Variants in SLC27A2 observed in about 807,000 individuals in gnomAD.
SLC27A2 encodes the protein long-chain fatty acid transport protein 2.
Under a neutral mutation model 60.0 loss-of-function variants are expected in SLC27A2, and 54 were observed. That is an observed-to-expected ratio of 0.90 (90% CI 0.72 to 1.13). The LOEUF (loss-of-function observed/expected upper bound fraction) is 1.13, where lower values mean the gene tolerates loss of function less well. Ranked by LOEUF, SLC27A2 falls within the 50% of genes most tolerant of loss-of-function variation. The pLI is 0.00. For missense variants in SLC27A2, 739 were observed against 777.6 expected (o/e 0.95, Z 0.59); for synonymous variants, 297 against 297.6 (o/e 1.00, Z 0.02).
At chr15:50,193,883 G>T (rs1237352672) in intron 1 of SLC27A2, among the ~76,000 whole-genome samples, 1 of 152,128 alleles carries the variant, frequency 6.6e-6, no homozygotes, top group Non-Finnish European at 1.5e-5. Flanking sequence ...CATCCACCAG[G>T]CATGGTGGCT....
chr15:50,231,990 C>G (rs141360542), intron 8 of SLC27A2, among the ~76,000 whole-genome samples: 1 of 152,222 alleles, frequency 6.6e-6, no homozygotes. Context: ...AGAACTCTTG[C>G]AGCAGTGAAA....
intron 1 of SLC27A2, 48 bp downstream of exon 1, chr15:50,182,953 C>A: frequency 6.5e-7 from 1 of 1,538,252 alleles, no homozygotes. Flanking sequence ...TTCTCGGCGC[C>A]TTGACTGACG....
intron 9 of SLC27A2, 97 bp from the exon 10 acceptor site, chr15:50,235,823 G>C (rs2045347807): frequency 1.2e-6 from 1 of 833,356 alleles, no homozygotes; most frequent in African/African-American, 1.7e-5. Context: ...GGATGCTAAT[G>C]ATTTGCTAGA....
rs1299340360 is a variant in SLC27A2 at position 50,203,829 on chromosome 15, G to C, written c.847+1184G>C. Among the ~76,000 whole-genome samples the C allele has an allele frequency of 2.0e-5, 3 of 152,094 alleles. No individual in the cohort carries two copies. In the East Asian group the frequency reaches 5.8e-4, roughly 29 times the overall value. On this transcript the variant is annotated intron_variant, in intron 3 of 9. Coordinates refer to ENST00000267842, the MANE Select transcript of SLC27A2 (RefSeq NM_003645.4). ...CCCTTATCAGAACAGGAGACAGCCA[G>C]CTTCTTTCCTGACTCTGTTCTGTTC...
chr15:50,195,302 TAAAAATATGAA>T (rs1336441494), intron 1 of SLC27A2, among the ~76,000 whole-genome samples: 1 of 113,406 alleles, frequency 8.8e-6, no homozygotes, highest in Non-Finnish European at 1.8e-5. Flanking sequence ...CCGTCTCTAC[TAAAAATATGAA>T]AAAAAAAAAA....
chr15:50,216,823 G>T (rs1482495956), intron 4 of SLC27A2, among the ~76,000 whole-genome samples: 4 of 124,130 alleles, frequency 3.2e-5, no homozygotes, highest in African/African-American at 1.2e-4. Flanking sequence ...ATATTTTATG[G>T]ATATATAAAA....
At chr15:50,202,668 T>C in intron 3 of SLC27A2, 23 bp downstream of exon 3, 1 of 1,608,244 alleles carries the variant, frequency 6.2e-7, no homozygotes, top group Non-Finnish European at 8.5e-7. Flanking sequence ...TACAAAATGT[T>C]GGAGGCGAGT....
intron 4 of SLC27A2, among the ~76,000 whole-genome samples, chr15:50,217,865 C>T (rs894883783): frequency 4.6e-5 from 7 of 151,796 alleles, no homozygotes; most frequent in Non-Finnish European, 8.8e-5. Flanking sequence ...ACCAGCCTGG[C>T]CAACATGGTG....
At chr15:50,199,021 A>C (rs2045044811) in intron 2 of SLC27A2, among the ~76,000 whole-genome samples, 1 of 119,952 alleles carries the variant, frequency 8.3e-6, no homozygotes, top group South Asian at 3.1e-4. Flanking sequence ...CCCAAAACAT[A>C]ATGTCTATCT....
At chr15:50,217,716 C>T (rs765401443) in intron 4 of SLC27A2, among the ~76,000 whole-genome samples, 3 of 152,008 alleles carry the variant, frequency 2.0e-5, no homozygotes, top group Non-Finnish European at 2.9e-5. Context: ...ACCTGAGGAA[C>T]GCCTCCTACA....
chr15:50,228,899 G>T, intron 7 of SLC27A2, 46 bp from the exon 8 acceptor site: 1 of 1,336,616 alleles, frequency 7.5e-7, no homozygotes, highest in Non-Finnish European at 1.1e-6. Flanking sequence ...TGCAACCTGG[G>T]CCAGAAACCA....
Position 50,236,217 on chromosome 15 carries a change from C to T in SLC27A2, c.*121C>T, listed in dbSNP as rs1802536. The T allele has an allele frequency of 1.2e-3, 903 of 744,362 alleles. 3 individuals are homozygous for T. Among genetic ancestry groups the T allele is most frequent in the Non-Finnish European group, 1.4e-3 (672 of 485,478 alleles). 46.1% of individuals were successfully genotyped at this position (744,362 alleles called of 1,614,324 possible). On this transcript the variant is annotated 3_prime_UTR_variant, in exon 10 of 10. Coordinates refer to ENST00000267842, the MANE Select transcript of SLC27A2 (RefSeq NM_003645.4). ...AAATTTTGTAGGAAATTTGCATACC[C>T]GTAAAGGGAGACTTTTTTAAATAAC...
At chr15:50,234,070 C>T (rs2045333317) in intron 9 of SLC27A2, 72 bp downstream of exon 9, 1 of 1,414,222 alleles carries the variant, frequency 7.1e-7, no homozygotes. Flanking sequence ...AACAACTCGC[C>T]TTCTCCCAGG....
intron 4 of SLC27A2, among the ~76,000 whole-genome samples, chr15:50,207,942 A>G (rs1285760051): frequency 6.6e-6 from 1 of 150,762 alleles, no homozygotes; most frequent in Admixed American, 6.6e-5. Context: ...ATTATATCAA[A>G]AAGACTTTGC....
intron 4 of SLC27A2, among the ~76,000 whole-genome samples, chr15:50,222,438 C>G (rs1377112061): frequency 6.6e-6 from 1 of 152,180 alleles, no homozygotes; most frequent in Non-Finnish European, 1.5e-5. Context: ...CTGTCGCTCA[C>G]TGGACTGTGT....
rs759946162 is a variant in SLC27A2, at chr15:50,226,033, G to A, written c.1213G>A (p.Glu405Lys). ...DLIKYDVEKD[E>K]PVRDENGYCV... ...GATTAAATATGATGTGGAGAAAGAT[G>A]AACCTGTCCGTGATGAAAATGGATA... The change falls in exon 6 of 10, where the codon GAA becomes AAA. Residue 405 changes from glutamate (E) to lysine (K), a missense_variant. By Grantham distance (56) the Glu-to-Lys change is moderately conservative. Transcript: ENST00000267842. 1.2e-6 allele frequency: 2 copies of A among 1,611,928 alleles called. No homozygotes were observed. Among genetic ancestry groups the A allele is most frequent in the Admixed American group, 3.3e-5 (2 of 60,024 alleles).
At chr15:50,200,446 TA>T (rs1567429695) in intron 2 of SLC27A2, among the ~76,000 whole-genome samples, 9 of 151,350 alleles carry the variant, frequency 5.9e-5, no homozygotes, top group Non-Finnish European at 8.8e-5. Context: ...TAATAATACA[TA>T]AAACAAAACA....
At chr15:50,233,581 A>C (rs554281559) in intron 8 of SLC27A2, among the ~76,000 whole-genome samples, 2 of 152,312 alleles carry the variant, frequency 1.3e-5, no homozygotes, top group South Asian at 4.1e-4. Flanking sequence ...GTAAAATGGA[A>C]ATAATATCTA....
chr15:50,204,859 A>G lies in SLC27A2; in HGVS notation c.848-380A>G, dbSNP rs565474849. On this transcript the variant is annotated intron_variant, in intron 3 of 9. Coordinates refer to ENST00000267842, the MANE Select transcript of SLC27A2 (RefSeq NM_003645.4). Reference sequence around the variant, plus strand: ...TGTGTGTATATATATGTATGTGTGTATATATATATACTTGAGACAGAGTCT... The same window carrying G: ...TGTGTGTATATATATGTATGTGTGTGTATATATATACTTGAGACAGAGTCT... Among the ~76,000 whole-genome samples the G allele has an allele frequency of 6.4e-4, 92 of 143,420 alleles. 2 individuals carry two copies. In the South Asian group the frequency reaches 0.017, roughly 26 times the overall value. The allele number at this position is 143,420 out of a possible 152,430, so 94.1% of individuals were successfully genotyped here.
Sources: allele counts gnomAD v4.1 joint callset (sites outside exome capture counted in the v4.1 genomes callset), GRCh38; gene constraint gnomAD v4.1.1; transcripts MANE v1.5; gene names NCBI Gene and HGNC (gene_info 2026-07-23, HGNC 2026-07-21).